ROBO2: variants seen among roughly 807,000 people sequenced by gnomAD.
ROBO2 encodes roundabout guidance receptor 2.
ROBO2 carries 53 observed loss-of-function variants against 160.8 expected under a neutral mutation model. The ratio of observed to expected loss-of-function variants is 0.33; its 90% confidence interval spans 0.26 to 0.41. The LOEUF is 0.41. ROBO2 is among the 10% of genes least tolerant of loss of function. The pLI is 1.00. For missense variants in ROBO2, 1,577 were observed against 1,722.4 expected (o/e 0.92, Z 1.49); for synonymous variants, 664 against 611.7 (o/e 1.09, Z -1.26).
chr3:77,465,647 A>T (rs767413360), intron 2 of ROBO2, among the ~76,000 whole-genome samples: 25 of 152,292 alleles, frequency 1.6e-4, no homozygotes, highest in Admixed American at 5.9e-4. Context: ...TAAGATGTGA[A>T]GGTTTGATTA....
intron 2 of ROBO2, among the ~76,000 whole-genome samples, chr3:77,389,233 C>T (rs780695353): frequency 1.3e-5 from 2 of 152,180 alleles, no homozygotes; most frequent in African/African-American, 4.8e-5. Context: ...TGTGAGCCAC[C>T]ACGCCAGGCC....
chr3:77,546,549 T>C (rs1044753962), intron 7 of ROBO2, 87 bp downstream of exon 8: 10 of 1,497,810 alleles, frequency 6.7e-6, no homozygotes, highest in Non-Finnish European at 9.3e-6. Context: ...CTTCTCTTGT[T>C]CTCAATGTTT....
chr3:77,054,615 A>C (rs1391954888), intron 1 of ROBO2, among the ~76,000 whole-genome samples: 5 of 152,134 alleles, frequency 3.3e-5, no homozygotes, highest in African/African-American at 4.8e-5. Context: ...CTGCACAATT[A>C]TATGTTGTTC....
chr3:77,209,245 A>T (rs2083801815), intron 2 of ROBO2, among the ~76,000 whole-genome samples: 1 of 152,154 alleles, frequency 6.6e-6, no homozygotes, highest in Admixed American at 6.5e-5. Flanking sequence ...AGACCAAATA[A>T]ATTATAAAAA....
At chr3:77,294,474 G>A (rs2061777858) in intron 2 of ROBO2, among the ~76,000 whole-genome samples, 1 of 144,912 alleles carries the variant, frequency 6.9e-6, no homozygotes, top group East Asian at 2.0e-4. Flanking sequence ...CGGGTAAACG[G>A]GTAAGCTGAG....
At chr3:76,410,373 T>G (rs1053982077) in intron 2 of ROBO2, among the ~76,000 whole-genome samples, 1 of 152,146 alleles carries the variant, frequency 6.6e-6, no homozygotes, top group Admixed American at 6.5e-5. Context: ...CAATGAAGAT[T>G]ATGAGTACTA....
intron 2 of ROBO2, among the ~76,000 whole-genome samples, chr3:76,999,773 G>A (rs1331982387): frequency 6.6e-6 from 1 of 152,128 alleles, no homozygotes; most frequent in Non-Finnish European, 1.5e-5. Context: ...CCTAAGGCAG[G>A]CCTTATTCCG....
chr3:76,087,985 T>C (rs971803187), intron 2 of ROBO2, among the ~76,000 whole-genome samples: 1 of 152,050 alleles, frequency 6.6e-6, no homozygotes, highest in Non-Finnish European at 1.5e-5. Flanking sequence ...AAAAAGTCTT[T>C]TAAATCTAAA....
In ROBO2 at chr3:77,083,660, G is replaced by A. The variant is rs557723138; in HGVS notation, c.62-14354G>A. ...AGTCAGTTCCAGACACAAACCTGGA[G>A]AAAGAAGGAAGAATCCACAGAAATG... is the stretch of plus-strand genomic sequence containing the variant. On this transcript the variant is annotated intron_variant, in intron 1 of 25. Transcript: ENST00000461745. Among the ~76,000 whole-genome samples the A allele has an allele frequency of 1.1e-4, 17 of 152,228 alleles. No homozygotes were observed. The East Asian group carries it at 3.3e-3, about 29-fold the overall frequency.
intron 2 of ROBO2, among the ~76,000 whole-genome samples, chr3:76,382,582 G>A (rs948898920): frequency 5.9e-5 from 9 of 152,164 alleles, no homozygotes; most frequent in African/African-American, 2.2e-4. Context: ...GCGAGACTCC[G>A]TCTCAAAAAC....
chr3:76,752,801 A>T (rs1207844392), intron 2 of ROBO2, among the ~76,000 whole-genome samples: 2 of 138,548 alleles, frequency 1.4e-5, no homozygotes, highest in Admixed American at 7.6e-5. Flanking sequence ...TTAAGGGAAT[A>T]TAGTATGCAG....
intron 2 of ROBO2, among the ~76,000 whole-genome samples, chr3:77,139,498 A>G (rs903933311): frequency 2.0e-5 from 3 of 152,178 alleles, no homozygotes; most frequent in African/African-American, 7.2e-5. Flanking sequence ...TTAAGAGCCT[A>G]CTAATAAAAA....
chr3:77,303,920 G>A (rs541038147), intron 2 of ROBO2, among the ~76,000 whole-genome samples: 1 of 152,120 alleles, frequency 6.6e-6, no homozygotes, highest in Non-Finnish European at 1.5e-5. Flanking sequence ...CTTCACCTTT[G>A]TAAGAGGTTG....
At chr3:76,271,631 G>T (rs1304080854) in intron 2 of ROBO2, among the ~76,000 whole-genome samples, 1 of 151,374 alleles carries the variant, frequency 6.6e-6, no homozygotes, top group East Asian at 1.9e-4. Flanking sequence ...TTTGTAATAT[G>T]TCCAGTAAGA....
At chr3:76,120,803 C>T (rs2070719643) in intron 2 of ROBO2, among the ~76,000 whole-genome samples, 1 of 152,072 alleles carries the variant, frequency 6.6e-6, no homozygotes, top group South Asian at 2.1e-4. Context: ...ATATGAACCC[C>T]TGAAAAACTT....
chr3:75,923,596 G>A (rs1401033714), intron 1 of ROBO2, among the ~76,000 whole-genome samples: 2 of 152,218 alleles, frequency 1.3e-5, no homozygotes, highest in Non-Finnish European at 2.9e-5. Context: ...CAGAACACAA[G>A]AGGATGCTGT....
In ROBO2 at chr3:76,770,022, C is replaced by A. The variant is rs553107235; in HGVS notation, c.110-327992C>A. ...CCAACATGTATTTTTCACTTTGTGT[C>A]AACTATGTTTATCTCTTCACAATTA... is the stretch of plus-strand genomic sequence containing the variant. On this transcript the variant is annotated intron_variant, in intron 2 of 26. Transcript: ENST00000487694. 3.3e-5 allele frequency among the ~76,000 whole-genome samples: 5 copies of A among 151,520 alleles called. No individual in the cohort carries two copies. The East Asian group carries it at 9.8e-4, about 30-fold the overall frequency.
intron 17 of ROBO2, among the ~76,000 whole-genome samples, chr3:77,589,394 G>A (rs758411157): frequency 4.6e-5 from 7 of 152,004 alleles, no homozygotes; most frequent in Non-Finnish European, 8.8e-5. Flanking sequence ...TGTCCCTCGT[G>A]AAAAATACTG....
chr3:77,199,620 A>ATTTTT (rs66672194), intron 2 of ROBO2, among the ~76,000 whole-genome samples: 9 of 118,196 alleles, frequency 7.6e-5, no homozygotes, highest in Non-Finnish European at 8.6e-5. Flanking sequence ...CTCAGTCACC[A>ATTTTT]TTTTTTTTTT....
Sources: gnomAD v4.1 joint callset for allele counts (sites outside exome capture counted in the v4.1 genomes callset) on GRCh38, gnomAD v4.1.1 for gene constraint, MANE v1.5 for transcripts, NCBI Gene and HGNC (gene_info 2026-07-23, HGNC 2026-07-21) for gene names.